ELF1: variants seen among roughly 807,000 people sequenced by gnomAD.
ELF1 encodes the protein E74 like ETS transcription factor 1.
In ELF1, 24 loss-of-function variants were observed where a neutral mutation model predicts 59.9. The observed-to-expected ratio is 0.40, with a 90% CI of 0.29 to 0.56. The LOEUF is 0.56. Ranked by LOEUF, ELF1 falls within the 20% of genes least tolerant of loss-of-function variation. ELF1 has a pLI of 0.44. For missense variants in ELF1, 627 were observed against 742.2 expected, an observed-to-expected ratio of 0.84 and a Z score of 1.80; for synonymous variants, 248 against 266.2, an observed-to-expected ratio of 0.93 and a Z score of 0.67.
intron 1 of ELF1, chr13:40,993,253 ATGT>A (rs1873958360): frequency 6.3e-7 from 1 of 1,579,614 alleles, no homozygotes; most frequent in South Asian, 1.1e-5. Flanking sequence ...AAAGCAACAG[ATGT>A]TGTTGGGCCT....
At chr13:41,005,582 T>C (rs1469397870) in intron 1 of ELF1, among the ~76,000 whole-genome samples, 1 of 151,816 alleles carries the variant, frequency 6.6e-6, no homozygotes, top group African/African-American at 2.4e-5. Flanking sequence ...ATCAGCACTC[T>C]CCTGTACTAC....
At chr13:40,941,982 A>T (rs1312366641) in intron 7 of ELF1, among the ~76,000 whole-genome samples, 1 of 152,140 alleles carries the variant, frequency 6.6e-6, no homozygotes, top group East Asian at 1.9e-4. Context: ...TTGCCAGGAT[A>T]ATCAAAACTA....
intron 1 of ELF1, among the ~76,000 whole-genome samples, chr13:41,002,090 G>A (rs1477305224): frequency 6.6e-6 from 1 of 152,044 alleles, no homozygotes; most frequent in Admixed American, 6.5e-5. Context: ...AGTATATAAG[G>A]TGAGGGGAAG....
In ELF1 at chr13:40,969,980, G is replaced by GA. The variant is rs560156388; in HGVS notation, c.73-10965dup. On this transcript the variant is annotated intron_variant, in intron 2 of 8. Coordinates refer to ENST00000239882, the MANE Select transcript of ELF1 (RefSeq NM_172373.4). ...GGCCTACAGGTTTTGTGCATGTGGG[G>GA]ATTGTTCCCTGGCAATTTCCTCAGT... Among the ~76,000 whole-genome samples, 251 of 152,222 alleles carry GA rather than the reference G, an allele frequency of 1.6e-3. 4 individuals are homozygous for GA. The highest frequency in any genetic ancestry group is 5.8e-3 in the African/African-American group (240 of 41,522).
rs1870122023 is a variant in ELF1, at chr13:40,940,978, G to A, written c.1199C>T (p.Ala400Val). Residue 400 changes from alanine (A) to valine (V), a missense_variant, in exon 8 of 9, where the codon GCA (alanine) becomes GTA (valine). Ala to Val is a moderately conservative substitution (Grantham distance 64, BLOSUM62 0). Coordinates refer to ENST00000239882, the MANE Select transcript of ELF1 (RefSeq NM_172373.4). ...QPVQAVPEGE[A>V]ARTSTMQDET... ...ATCCTGCATGGTACTGGTTCTAGCT[G>A]CTTCTCCCTCTGGGACAGCCTGTAC... is the stretch of plus-strand genomic sequence containing the variant. 3 of 1,614,174 alleles carry A rather than the reference G, an allele frequency of 1.9e-6. No homozygotes were observed. Among genetic ancestry groups the A allele is most frequent in the Non-Finnish European group, 1.7e-6 (2 of 1,180,032 alleles).
In ELF1 at chr13:41,028,097, C is replaced by T. The variant is rs151286318; in HGVS notation, c.-229+32741G>A. 9.9e-5 allele frequency among the ~76,000 whole-genome samples: 15 copies of T among 152,266 alleles called. 1 individual carries two copies. The East Asian group carries it at 2.9e-3, about 29-fold the overall frequency. On this transcript the variant is annotated intron_variant, in intron 1 of 1. Transcript: ENST00000405737. ...TACTTCCTGTTCCCGTAACTTTATG[C>T]TCTTTTGGCCTAGAAGTCTTAGTTC...
chr13:40,999,087 A>G (rs1248430200), intron 1 of ELF1, among the ~76,000 whole-genome samples: 1 of 152,236 alleles, frequency 6.6e-6, no homozygotes, highest in African/African-American at 2.4e-5. Context: ...CACCTGTGCT[A>G]TTATTGATGG....
At chr13:40,991,444 A>T (rs1873848388) in intron 1 of ELF1, among the ~76,000 whole-genome samples, 1 of 152,062 alleles carries the variant, frequency 6.6e-6, no homozygotes, top group Non-Finnish European at 1.5e-5. Flanking sequence ...TATTGTAAAC[A>T]TTTTTATTTT....
At chr13:40,960,759 G>A (rs1871765120) in intron 2 of ELF1, among the ~76,000 whole-genome samples, 1 of 152,110 alleles carries the variant, frequency 6.6e-6, no homozygotes, top group Admixed American at 6.5e-5. Context: ...ACTTAGTTAA[G>A]GTAGTATCTA....
intron 5 of ELF1, among the ~76,000 whole-genome samples, chr13:40,944,243 T>C (rs1395194930): frequency 6.6e-6 from 1 of 152,232 alleles, no homozygotes; most frequent in Non-Finnish European, 1.5e-5. Flanking sequence ...AGTGCTTTCT[T>C]AAACTTTTGG....
chr13:41,013,974 A>G (rs1204061798), intron 1 of ELF1, among the ~76,000 whole-genome samples: 2 of 152,144 alleles, frequency 1.3e-5, no homozygotes, highest in African/African-American at 4.8e-5. Flanking sequence ...TGTACCATGT[A>G]ACAGCCCAGA....
At chr13:40,981,207 T>C (rs17061697) in intron 2 of ELF1, among the ~76,000 whole-genome samples, 5 of 152,098 alleles carry the variant, frequency 3.3e-5, no homozygotes, top group African/African-American at 9.7e-5. Flanking sequence ...CCTAGTACCC[T>C]GTCTGAGTCT....
intron 2 of ELF1, among the ~76,000 whole-genome samples, chr13:40,959,816 T>C (rs1871700452): frequency 6.6e-6 from 1 of 152,196 alleles, no homozygotes; most frequent in Non-Finnish European, 1.5e-5. Context: ...AAAGGACCCA[T>C]ACAATTTAAT....
At chr13:40,939,277 C>T (rs1490952876) in intron 8 of ELF1, among the ~76,000 whole-genome samples, 3 of 152,172 alleles carry the variant, frequency 2.0e-5, no homozygotes, top group African/African-American at 7.2e-5. Context: ...GGTGTCATTA[C>T]ACTCCAGCCT....
At chr13:40,941,483 A>C (rs1870168986) in intron 7 of ELF1, 113 bp from the exon 8 acceptor site, 2 of 985,490 alleles carry the variant, frequency 2.0e-6, no homozygotes, top group African/African-American at 3.3e-5. Flanking sequence ...AACTAATGAG[A>C]AAAGAATTTC....
intron 1 of ELF1, among the ~76,000 whole-genome samples, chr13:41,058,533 CTG>C (rs1239133258): frequency 3.3e-5 from 5 of 152,252 alleles, no homozygotes; most frequent in Non-Finnish European, 7.3e-5. Context: ...AAAGATAAAT[CTG>C]TGTTTTATAC....
At chr13:40,980,815 T>C (rs946092479) in intron 2 of ELF1, among the ~76,000 whole-genome samples, 6 of 152,308 alleles carry the variant, frequency 3.9e-5, no homozygotes, top group Non-Finnish European at 8.8e-5. Context: ...AAAATATATT[T>C]TGTATTGTCT....
chr13:41,053,027 A>C (rs1877146161), intron 1 of ELF1, among the ~76,000 whole-genome samples: 1 of 152,180 alleles, frequency 6.6e-6, no homozygotes, highest in Non-Finnish European at 1.5e-5. Flanking sequence ...TTGTCACACT[A>C]CATTTTTCAG....
intron 3 of ELF1, among the ~76,000 whole-genome samples, chr13:40,954,868 A>C: frequency 2.3e-5 from 3 of 132,276 alleles, no homozygotes; most frequent in African/African-American, 2.8e-5. Flanking sequence ...CCCGGCCGCC[A>C]CCCCGTCTGG....
Sources: allele counts gnomAD v4.1 joint callset (sites outside exome capture counted in the v4.1 genomes callset), GRCh38; gene constraint gnomAD v4.1.1; transcripts MANE v1.5; gene names NCBI Gene and HGNC (gene_info 2026-07-23, HGNC 2026-07-21).